DYNC2H1: variants seen among roughly 807,000 people sequenced by gnomAD.
The protein encoded by DYNC2H1 is dynein cytoplasmic 2 heavy chain 1.
Under a neutral mutation model 570.0 loss-of-function variants are expected in DYNC2H1, and 410 were observed. That is an observed-to-expected ratio of 0.72 (90% CI 0.66 to 0.78). DYNC2H1 has a LOEUF of 0.78. Ranked by LOEUF, DYNC2H1 falls within the 30% of genes least tolerant of loss-of-function variation. The probability of loss-of-function intolerance (pLI) is 0.00; values close to 1 mark genes in which losing one functional copy is unlikely to be tolerated. For synonymous variants in DYNC2H1, 1,688 were observed against 1,677.6 expected, an observed-to-expected ratio of 1.01 and a Z score of -0.15; for missense variants, 4,865 against 5,046.4, an observed-to-expected ratio of 0.96 and a Z score of 1.09.
rs991681136 is a variant in DYNC2H1 at position 103,109,478 on chromosome 11, C to A, written c.-97C>A. 5 of 1,234,864 alleles carry A rather than the reference C, an allele frequency of 4.0e-6. No individual in the cohort carries two copies. The highest frequency in any genetic ancestry group is 5.6e-6 in the Non-Finnish European group (5 of 894,038). 76.5% of individuals were successfully genotyped at this position (1,234,864 alleles called of 1,614,324 possible). ...GCTCTGCGGTCCCGCGGTCGGGCTA[C>A]GGGTTTGAGCAAAGCTCCTCTCTTC... On this transcript the variant is annotated 5_prime_UTR_variant, in exon 1 of 89. Coordinates refer to ENST00000375735, the MANE Select transcript of DYNC2H1 (RefSeq NM_001377.3).
At chr11:103,250,383 A>T (rs1231849504) in intron 65 of DYNC2H1, among the ~76,000 whole-genome samples, 3 of 152,034 alleles carry the variant, frequency 2.0e-5, no homozygotes, top group Non-Finnish European at 4.4e-5. Flanking sequence ...CAGGGGACAT[A>T]TGCAGGTTTG....
At chr11:103,464,790 C>CA (rs141101677) in intron 87 of DYNC2H1, among the ~76,000 whole-genome samples, 2,268 of 152,188 alleles carry the variant, frequency 0.015, 55 homozygotes, top group African/African-American at 0.052. Context: ...CATACAGCCT[C>CA]AATGAAAGCA....
At chr11:103,235,241 C>G (rs982369677) in intron 61 of DYNC2H1, among the ~76,000 whole-genome samples, 4 of 151,840 alleles carry the variant, frequency 2.6e-5, no homozygotes, top group African/African-American at 9.7e-5. Context: ...CTCTTCTTTC[C>G]TTTAATATAA....
intron 20 of DYNC2H1, among the ~76,000 whole-genome samples, chr11:103,149,213 C>T (rs974168157): frequency 6.6e-6 from 1 of 151,914 alleles, no homozygotes; most frequent in Non-Finnish European, 1.5e-5. Context: ...ATACTATTAC[C>T]TTTAGAGTTA....
Position 103,348,166 on chromosome 11 carries a change from G to T in DYNC2H1, c.12040-10077G>T, listed in dbSNP as rs373113688. ...GCTTCTGTGTTCAGTGGCACTATCAGGTTTTCCTTTCCTTTTTCCACCAGA... is the reference window on the plus strand; with the variant it reads ...GCTTCTGTGTTCAGTGGCACTATCATGTTTTCCTTTCCTTTTTCCACCAGA... On this transcript the variant is annotated intron_variant, in intron 82 of 88. Coordinates refer to ENST00000375735, the MANE Select transcript of DYNC2H1 (RefSeq NM_001377.3). Among the ~76,000 whole-genome samples, 28 of 152,244 alleles carry T rather than the reference G, an allele frequency of 1.8e-4. No individual in the cohort carries two copies. In the East Asian group the frequency reaches 4.1e-3, roughly 22 times the overall value.
In DYNC2H1 at chr11:103,435,542, G is replaced by A. The variant is rs561544585; in HGVS notation, c.12367-401G>A. Among the ~76,000 whole-genome samples, 8 of 151,984 alleles carry A rather than the reference G, an allele frequency of 5.3e-5. No individual in the cohort carries two copies. The East Asian group carries it at 1.5e-3, about 29-fold the overall frequency. On this transcript the variant is annotated intron_variant, in intron 84 of 88. Transcript: ENST00000375735. ...TTTCATATGTCTCCATGTGGTTGGG[G>A]AATAAAGTTTCCATTATACTGCTCT...
chr11:103,396,275 C>A (rs1372263159), intron 83 of DYNC2H1, among the ~76,000 whole-genome samples: 2 of 152,146 alleles, frequency 1.3e-5, no homozygotes, highest in Non-Finnish European at 2.9e-5. Flanking sequence ...GAGAGGTTGG[C>A]AAACTGCAAC....
At chr11:103,454,555 G>T (rs1191634722) in intron 85 of DYNC2H1, among the ~76,000 whole-genome samples, 1 of 152,110 alleles carries the variant, frequency 6.6e-6, no homozygotes, top group Non-Finnish European at 1.5e-5. Context: ...CAGGGTCATG[G>T]TAAGTGTAAA....
In DYNC2H1 at chr11:103,173,212, A is replaced by G. The variant is rs1565365586; in HGVS notation, c.5465A>G (p.Asn1822Ser). Residue 1822 changes from asparagine (N) to serine (S), a missense_variant, in exon 35 of 89, where the codon AAT becomes AGT. By Grantham distance (46) the Asn-to-Ser change is conservative (BLOSUM62 1). Coordinates refer to ENST00000375735, the MANE Select transcript of DYNC2H1 (RefSeq NM_001377.3). The stretch of plus-strand genomic sequence containing the variant: ...CCCGTAGCTATGTCTCATCCAGACA[A>G]TGAGCTTATTGCAGAAGTTATTCTC... ...FRPVAMSHPD[N>S]ELIAEVILYS... The G allele has an allele frequency of 1.7e-5, 27 of 1,602,994 alleles. No homozygotes were observed. The highest frequency in any genetic ancestry group is 2.1e-5 in the Non-Finnish European group (25 of 1,174,656).
Position 103,113,573 on chromosome 11 carries a change from T to G in DYNC2H1, c.232T>G (p.Phe78Val). The change falls in exon 2 of 89, where the codon TTT (phenylalanine) becomes GTT (valine). Residue 78 changes from phenylalanine (F) to valine (V), a missense_variant. This residue lies in a region of DYNC2H1 where 1,936 missense variants were observed against 1,962.1 expected (regional missense o/e 0.99). Transcript: ENST00000375735. Reference protein sequence around the residue: ...FGDTKDKVLVFFKLRPEVITD... With the variant: ...FGDTKDKVLVVFKLRPEVITD... ...TGACACAAAAGATAAAGTGCTGGTG[T>G]TTTTCAAGCTGCGACCTGAAGTAAT... 1 of 1,579,466 alleles carries G rather than the reference T, an allele frequency of 6.3e-7. No individual in the cohort carries two copies. The highest frequency in any genetic ancestry group is 8.6e-7 in the Non-Finnish European group (1 of 1,167,564).
chr11:103,147,932 A>G (rs1045948319), intron 19 of DYNC2H1, 45 bp downstream of exon 19: 2 of 1,295,492 alleles, frequency 1.5e-6, no homozygotes, highest in African/African-American at 3.0e-5. Flanking sequence ...TTTGATATGT[A>G]GAAGCATGTA....
chr11:103,470,985 C>A (rs938252686), intron 88 of DYNC2H1, among the ~76,000 whole-genome samples: 3 of 152,036 alleles, frequency 2.0e-5, no homozygotes, highest in Non-Finnish European at 2.9e-5. Flanking sequence ...CCTGAGGAAT[C>A]GCCACACTGA....
At chr11:103,423,832 G>A (rs1396929868) in intron 84 of DYNC2H1, among the ~76,000 whole-genome samples, 1 of 151,980 alleles carries the variant, frequency 6.6e-6, no homozygotes. Context: ...GGTGTCATTA[G>A]GAATATCAGA....
intron 18 of DYNC2H1, 23 bp from the exon 19 acceptor site, chr11:103,147,749 A>C (rs750607850): frequency 6.9e-7 from 1 of 1,440,696 alleles, no homozygotes; most frequent in African/African-American, 1.4e-5. Flanking sequence ...CCATGTCAAA[A>C]TATGTCCATT....
rs1441011101 is a variant in DYNC2H1, at chr11:103,174,064, G to A, written c.5568G>A (p.Leu1856=). ...VAIFNLSREL[L]TPQQHYDWGL... is the part of the protein sequence containing the mutation. ...CATGTCTCTATTTCAGGGAACTTTT[G>A]ACACCTCAGCAACATTATGATTGGG... The change falls in exon 36 of 89, where the codon TTG becomes TTA. Residue 1856 remains leucine (L), a synonymous_variant. Coordinates refer to ENST00000375735, the MANE Select transcript of DYNC2H1 (RefSeq NM_001377.3). The A allele has an allele frequency of 6.3e-7, 1 of 1,581,530 alleles. No individual in the cohort carries two copies. The highest frequency in any genetic ancestry group is 1.8e-5 in the Admixed American group (1 of 55,554).
rs1376254868 is a variant in DYNC2H1, at chr11:103,189,974, C to A, written c.7437+158C>A. 1.3e-5 allele frequency among the ~76,000 whole-genome samples: 2 copies of A among 152,122 alleles called. No homozygotes were observed. The highest frequency in any genetic ancestry group is 4.8e-5 in the African/African-American group (2 of 41,448). On this transcript the variant is annotated intron_variant, in intron 45 of 88. Coordinates refer to ENST00000375735, the MANE Select transcript of DYNC2H1 (RefSeq NM_001377.3). The surrounding 1 kb of genome is among the most constrained non-coding windows in gnomAD (Gnocchi z 4.3). Reference sequence around the variant, plus strand: ...CTGTGAAGACAGGTGCTGTGTGTGCCTTATTCACTGTTGTATCCATGGCAC... The same window carrying A: ...CTGTGAAGACAGGTGCTGTGTGTGCATTATTCACTGTTGTATCCATGGCAC...
intron 36 of DYNC2H1, among the ~76,000 whole-genome samples, chr11:103,174,877 T>C (rs943000125): frequency 1.8e-4 from 25 of 138,210 alleles, no homozygotes; most frequent in Non-Finnish European, 3.7e-4. Flanking sequence ...TGTTAATAAA[T>C]CTAGCTTACT....
rs1420490628 is a variant in DYNC2H1, at chr11:103,245,908, A to G, written c.10042+534A>G. On this transcript the variant is annotated intron_variant, in intron 65 of 88. Coordinates refer to ENST00000375735, the MANE Select transcript of DYNC2H1 (RefSeq NM_001377.3). This position sits in a 1 kb window ranked among gnomAD's most constrained non-coding sequence, Gnocchi z 4.5. ...AAAGAGCATATCATGCAAAGTGTATACACATACATATGTAGACGTGTACAT... is the reference window on the plus strand; with the variant it reads ...AAAGAGCATATCATGCAAAGTGTATGCACATACATATGTAGACGTGTACAT... Among the ~76,000 whole-genome samples, 1 of 152,158 alleles carries G rather than the reference A, an allele frequency of 6.6e-6. No individual in the cohort carries two copies. The highest frequency in any genetic ancestry group is 1.5e-5 in the Non-Finnish European group (1 of 68,000).
intron 82 of DYNC2H1, among the ~76,000 whole-genome samples, chr11:103,353,184 T>G (rs748452954): frequency 2.0e-5 from 3 of 152,204 alleles, no homozygotes; most frequent in Non-Finnish European, 2.9e-5. Flanking sequence ...AAATGGCTAA[T>G]GCATCTGGGC....
Sources: gnomAD v4.1 joint callset for allele counts (sites outside exome capture counted in the v4.1 genomes callset) on GRCh38, gnomAD v4.1.1 for gene constraint, gnomAD v4.1.1 regional missense constraint, Gnocchi (gnomAD v3.1) non-coding constraint, MANE v1.5 for transcripts, NCBI Gene and HGNC (gene_info 2026-07-23, HGNC 2026-07-21) for gene names.